Variants in TUBGCP3 observed in about 807,000 individuals in gnomAD.
TUBGCP3 encodes the protein gamma-tubulin complex component 3.
TUBGCP3 carries 50 observed loss-of-function variants against 123.1 expected under a neutral mutation model. That is an observed-to-expected ratio of 0.41 (90% CI 0.32 to 0.51). TUBGCP3 has a LOEUF of 0.51. Ranked by LOEUF, TUBGCP3 falls within the 20% of genes least tolerant of loss-of-function variation. The pLI is 0.36. For missense variants in TUBGCP3, 882 were observed against 1,127.0 expected, an observed-to-expected ratio of 0.78 and a Z score of 3.11; for synonymous variants, 405 against 413.9, an observed-to-expected ratio of 0.98 and a Z score of 0.26.
intron 21 of TUBGCP3, among the ~76,000 whole-genome samples, 189 bp downstream of exon 21, chr13:112,489,392 C>T (rs1879920994): frequency 6.6e-6 from 1 of 152,264 alleles, no homozygotes; most frequent in Admixed American, 6.5e-5. Context: ...CACACTGGCA[C>T]TGCCCGGAGC....
At chr13:112,554,730 T>C (rs1325893049) in intron 7 of TUBGCP3, among the ~76,000 whole-genome samples, 157 bp downstream of exon 7, 1 of 152,154 alleles carries the variant, frequency 6.6e-6, no homozygotes, top group African/African-American at 2.4e-5. Flanking sequence ...CGAGCCACAA[T>C]GGACAGAAAT....
At chr13:112,504,482 T>C in intron 18 of TUBGCP3, 144 bp downstream of exon 18, 1 of 422,876 alleles carries the variant, frequency 2.4e-6, no homozygotes, top group South Asian at 4.7e-5. Flanking sequence ...CAAGACTCCA[T>C]CTCAAAAAAA....
At chr13:112,505,857 G>A (rs893350014) in intron 17 of TUBGCP3, among the ~76,000 whole-genome samples, 2 of 152,248 alleles carry the variant, frequency 1.3e-5, no homozygotes, top group East Asian at 1.9e-4. Context: ...GGGACGCGCC[G>A]TGCACTTGGG....
At position 112,495,008 on chromosome 13, in the gene TUBGCP3, G is replaced by A. The variant is rs11840917; in HGVS notation, c.2448+4037C>T. On this transcript the variant is annotated intron_variant, in intron 20 of 21. Coordinates refer to ENST00000261965, the MANE Select transcript of TUBGCP3 (RefSeq NM_006322.6). ...GGGTAGTTTGCAGATATTTTCTCCC[G>A]TTCTCTGGGCTGCCTCTTCACTTTG... 8.9e-3 allele frequency among the ~76,000 whole-genome samples: 1,359 copies of A among 152,134 alleles called. 18 individuals are homozygous for A. The highest frequency in any genetic ancestry group is 0.031 in the African/African-American group (1,291 of 41,486).
chr13:112,582,956 T>C (rs1027962196), intron 1 of TUBGCP3, among the ~76,000 whole-genome samples: 6 of 152,208 alleles, frequency 3.9e-5, no homozygotes, highest in African/African-American at 7.2e-5. Flanking sequence ...CCATGACTTA[T>C]TGTCTCTATC....
chr13:112,546,107 T>C (rs569436124), intron 10 of TUBGCP3: 114 of 414,500 alleles, frequency 2.8e-4, no homozygotes, highest in African/African-American at 2.0e-3. Flanking sequence ...TTAGGACTGC[T>C]GAGGAATTTT....
chr13:112,550,255 T>A (rs1879449528), intron 8 of TUBGCP3, among the ~76,000 whole-genome samples: 1 of 151,914 alleles, frequency 6.6e-6, no homozygotes, highest in East Asian at 1.9e-4. Flanking sequence ...AAATTTTTTT[T>A]AATTGTTTTT....
In TUBGCP3 at chr13:112,545,931, T is replaced by G. The variant is rs575228730; in HGVS notation, c.1169-66A>C. ...TACACTCATAGTACACACCAGTCACTTCTCACCAACCAAAGACGCCCAAGT... is the reference window on the plus strand; with the variant it reads ...TACACTCATAGTACACACCAGTCACGTCTCACCAACCAAAGACGCCCAAGT... On this transcript the variant is annotated intron_variant, in intron 10 of 21. Coordinates refer to ENST00000261965, the MANE Select transcript of TUBGCP3 (RefSeq NM_006322.6). This position sits in a 1 kb window ranked among gnomAD's most constrained non-coding sequence, Gnocchi z 4.1. 1.7e-5 allele frequency: 26 copies of G among 1,550,430 alleles called. No individual in the cohort carries two copies. In the African/African-American group the frequency reaches 3.5e-4, roughly 21 times the overall value.
At position 112,519,313 on chromosome 13, in the gene TUBGCP3, GA is replaced by G. The variant is rs1465855423; in HGVS notation, c.1882-271del. Among the ~76,000 whole-genome samples, 3 of 152,164 alleles carry G rather than the reference GA, an allele frequency of 2.0e-5. No individual in the cohort carries two copies. In the East Asian group the frequency reaches 5.8e-4, roughly 29 times the overall value. On this transcript the variant is annotated intron_variant, in intron 15 of 21. Coordinates refer to ENST00000261965, the MANE Select transcript of TUBGCP3 (RefSeq NM_006322.6). The surrounding 1 kb of genome is among the most constrained non-coding windows in gnomAD (Gnocchi z 6.2). Reference sequence around the variant, plus strand: ...AAATTCATCACCATTTGCTTACGACGAAAACCCACTGCCTCTAAATATGTTC... The same window carrying G: ...AAATTCATCACCATTTGCTTACGACGAAACCCACTGCCTCTAAATATGTTC...
intron 2 of TUBGCP3, among the ~76,000 whole-genome samples, chr13:112,567,809 C>A (rs1881069792): frequency 6.6e-6 from 1 of 152,230 alleles, no homozygotes; most frequent in Admixed American, 6.5e-5. Flanking sequence ...CTCCACAGAC[C>A]ATGGGCCAAA....
At position 112,499,066 on chromosome 13, in the gene TUBGCP3, T is replaced by C; in HGVS notation, c.2427A>G (p.Lys809=). ...ELQRRLQFEE[K]KKQREIEGQW... ...ATACCTCAATTTCACGCTGTTTCTT[T>C]TTCTCTTCAAACTGTAATCGTCTCT... Residue 809 remains lysine (K), a synonymous_variant, in exon 20 of 22, where the codon AAA becomes AAG. Coordinates refer to ENST00000261965, the MANE Select transcript of TUBGCP3 (RefSeq NM_006322.6). The C allele has an allele frequency of 6.2e-7, 1 of 1,614,202 alleles. No individual in the cohort carries two copies.
chr13:112,578,032 TAA>T (rs1468950229), intron 1 of TUBGCP3, among the ~76,000 whole-genome samples: 1 of 152,090 alleles, frequency 6.6e-6, no homozygotes, highest in Non-Finnish European at 1.5e-5. Flanking sequence ...CTGACTAACG[TAA>T]AAGAGTCTTG....
At position 112,545,965 on chromosome 13, in the gene TUBGCP3, T is replaced by A; in HGVS notation, c.1169-100A>T. On this transcript the variant is annotated intron_variant, in intron 10 of 21. Transcript: ENST00000261965. The surrounding 1 kb of genome is among the most constrained non-coding windows in gnomAD (Gnocchi z 4.1). ...ACCAAAGACGCCCAAGTAATTGAGA[T>A]AAAGAGCATTTGTTTTCTTACAGTT... The A allele has an allele frequency of 7.4e-7, 1 of 1,349,720 alleles. No homozygotes were observed. 83.6% of individuals were successfully genotyped at this position (1,349,720 alleles called of 1,614,324 possible).
At chr13:112,554,256 A>T in intron 7 of TUBGCP3, 74 bp from the exon 8 acceptor site, 1 of 1,540,124 alleles carries the variant, frequency 6.5e-7, no homozygotes, top group South Asian at 1.2e-5. Flanking sequence ...TTTCTCAAGC[A>T]CTTCTACTTT....
chr13:112,515,444 T>G (rs998094336), intron 17 of TUBGCP3, among the ~76,000 whole-genome samples: 6 of 152,242 alleles, frequency 3.9e-5, no homozygotes, highest in East Asian at 1.9e-4. Flanking sequence ...TTAAAGCAAC[T>G]GTGAGCAAGG....
chr13:112,493,383 C>T (rs1024984097), intron 20 of TUBGCP3, among the ~76,000 whole-genome samples: 1 of 148,968 alleles, frequency 6.7e-6, no homozygotes, highest in East Asian at 2.0e-4. Flanking sequence ...CCCTGAGACG[C>T]TCTGGCTATG....
chr13:112,557,137 A>T (rs150704506), intron 5 of TUBGCP3, among the ~76,000 whole-genome samples: 10 of 152,362 alleles, frequency 6.6e-5, no homozygotes, highest in African/African-American at 2.4e-4. Flanking sequence ...TTCTAAATTT[A>T]AGAGGATGAT....
Position 112,519,836 on chromosome 13 carries a change from G to A in TUBGCP3, c.1881+50C>T. 1 of 1,591,146 alleles carries A rather than the reference G, an allele frequency of 6.3e-7. No homozygotes were observed. Among genetic ancestry groups the A allele is most frequent in the Non-Finnish European group, 8.6e-7 (1 of 1,166,898 alleles). ...ACACTCGCTAGAACACCCCGGCCCA[G>A]TGGGTCCTCGGTGCCGGGGCGGCGT... is the stretch of plus-strand genomic sequence containing the variant. On this transcript the variant is annotated intron_variant, in intron 15 of 21. Coordinates refer to ENST00000261965, the MANE Select transcript of TUBGCP3 (RefSeq NM_006322.6). The surrounding 1 kb of genome is among the most constrained non-coding windows in gnomAD (Gnocchi z 6.2).
rs547846955 is a variant in TUBGCP3, at chr13:112,511,457, T to C, written c.2086+4983A>G. 6.7e-4 allele frequency among the ~76,000 whole-genome samples: 102 copies of C among 152,264 alleles called. No homozygotes were observed. The highest frequency in any genetic ancestry group is 2.3e-3 in the African/African-American group (94 of 41,562). On this transcript the variant is annotated intron_variant, in intron 17 of 21. Transcript: ENST00000261965. The surrounding 1 kb of genome is among the most constrained non-coding windows in gnomAD (Gnocchi z 4.1). Reference sequence around the variant, plus strand: ...ATAGAGCCAGGGTGGATCCAGGGTGTAATCTTTTTGAAGGCAATGAACCGC... The same window carrying C: ...ATAGAGCCAGGGTGGATCCAGGGTGCAATCTTTTTGAAGGCAATGAACCGC...
Sources: gnomAD v4.1 joint callset for allele counts (sites outside exome capture counted in the v4.1 genomes callset) on GRCh38, gnomAD v4.1.1 for gene constraint, Gnocchi (gnomAD v3.1) non-coding constraint, MANE v1.5 for transcripts, NCBI Gene and HGNC (gene_info 2026-07-23, HGNC 2026-07-21) for gene names.